Variants in PCDHA10 observed in about 807,000 individuals in gnomAD.
The protein encoded by PCDHA10 is protocadherin alpha-10.
PCDHA10 carries 45 observed loss-of-function variants against 61.2 expected under a neutral mutation model. The ratio of observed to expected loss-of-function variants is 0.74; its 90% CI spans 0.58 to 0.94. The LOEUF (loss-of-function observed/expected upper bound fraction) is 0.94, where lower values mean the gene tolerates loss of function less well. PCDHA10 is among the 40% of genes least tolerant of loss of function. PCDHA10 has a pLI of 0.00. For synonymous variants in PCDHA10, 602 were observed against 548.8 expected (o/e 1.10, Z -1.35); for missense variants, 1,278 against 1,236.2 (o/e 1.03, Z -0.51).
intron 1 of PCDHA10, chr5:140,967,438 C>T: frequency 6.2e-7 from 1 of 1,613,548 alleles, no homozygotes; most frequent in South Asian, 1.1e-5. Flanking sequence ...CCTTGCACCA[C>T]CTGGTTCTCA....
At position 141,011,086 on chromosome 5, in the gene PCDHA10, C is replaced by T. The variant is rs1181884726; in HGVS notation, c.*1149C>T. The T allele has an allele frequency of 2.6e-5, 4 of 153,678 alleles. No homozygotes were observed. Among genetic ancestry groups the T allele is most frequent in the African/African-American group, 9.7e-5 (4 of 41,430 alleles). The allele number at this position is 153,678 out of a possible 1,614,324, so 9.5% of individuals were successfully genotyped here. On this transcript the variant is annotated 3_prime_UTR_variant, in exon 4 of 4. Coordinates refer to ENST00000307360, the MANE Select transcript of PCDHA10 (RefSeq NM_018901.4). ...TGTATTACTAAATAAAATGATCTCT[C>T]TTTCTCTCTCTCTCTCTCTTTTCTA...
chr5:140,947,987 C>G (rs1554218389), intron 1 of PCDHA10, among the ~76,000 whole-genome samples: 1 of 144,778 alleles, frequency 6.9e-6, no homozygotes, highest in African/African-American at 2.6e-5. Context: ...AGGTTTTTCC[C>G]AAATACTTTA....
chr5:140,899,788 C>T (rs1260643506), intron 1 of PCDHA10, among the ~76,000 whole-genome samples: 3 of 152,054 alleles, frequency 2.0e-5, no homozygotes, highest in Admixed American at 6.6e-5. Context: ...TGGTATAATT[C>T]GGCTGTGAAT....
chr5:140,989,235 T>G (rs1408596966), intron 3 of PCDHA10, among the ~76,000 whole-genome samples: 1 of 152,204 alleles, frequency 6.6e-6, no homozygotes, highest in Non-Finnish European at 1.5e-5. Context: ...AGCTGAAGTT[T>G]TAAGCCCCTT....
intron 1 of PCDHA10, chr5:140,865,634 A>G (rs2048944722): frequency 6.6e-6 from 1 of 152,218 alleles, no homozygotes; most frequent in Non-Finnish European, 1.5e-5. Context: ...TCATGAAGGG[A>G]CTTAAATACA....
At position 140,857,003 on chromosome 5, in the gene PCDHA10, G is replaced by C; in HGVS notation, c.955G>C (p.Val319Leu). The change falls in exon 1 of 4, where the codon GTA (valine) becomes CTA (leucine). Residue 319 changes from valine to leucine, a missense_variant. Coordinates refer to ENST00000307360, the MANE Select transcript of PCDHA10 (RefSeq NM_018901.4). ...FEDSNTYEIH[V>L]DVTDKGNPPM... The stretch of plus-strand genomic sequence containing the variant: ...GGACAGTAACACTTATGAAATTCAT[G>C]TAGATGTTACAGATAAGGGAAACCC... The C allele has an allele frequency of 6.3e-7, 1 of 1,595,436 alleles. No homozygotes were observed. The highest frequency in any genetic ancestry group is 8.6e-7 in the Non-Finnish European group (1 of 1,165,190).
chr5:140,950,278 G>A (rs2094467824), intron 1 of PCDHA10, among the ~76,000 whole-genome samples: 1 of 151,868 alleles, frequency 6.6e-6, no homozygotes, highest in African/African-American at 2.4e-5. Context: ...ATGTCTTTTT[G>A]CTTCAACCTG....
intron 1 of PCDHA10, among the ~76,000 whole-genome samples, chr5:140,926,112 A>G (rs556372882): frequency 3.3e-4 from 51 of 152,258 alleles, no homozygotes; most frequent in African/African-American, 1.2e-3. Context: ...AAGAGGGTGC[A>G]GGACAGACTT....
At chr5:140,921,920 TTA>T (rs1253318185) in intron 1 of PCDHA10, among the ~76,000 whole-genome samples, 1 of 151,888 alleles carries the variant, frequency 6.6e-6, no homozygotes, top group African/African-American at 2.4e-5. Flanking sequence ...ATGATAAAAC[TTA>T]TAGTCAATAT....
intron 1 of PCDHA10, chr5:140,968,302 G>C (rs2096236958): frequency 6.2e-7 from 1 of 1,613,812 alleles, no homozygotes; most frequent in African/African-American, 1.3e-5. Context: ...TGGAGAGGGA[G>C]ATTCAAGGGC....
chr5:140,931,907 G>A (rs573618162), intron 1 of PCDHA10, among the ~76,000 whole-genome samples: 107 of 151,900 alleles, frequency 7.0e-4, no homozygotes, highest in Middle Eastern at 3.5e-3. Context: ...CATTTGAAAA[G>A]CATGACATTT....
In PCDHA10 at chr5:140,870,216, C is replaced by G. The variant is rs1554163914; in HGVS notation, c.2388+11780C>G. On this transcript the variant is annotated intron_variant, in intron 1 of 3. Transcript: ENST00000307360. Reference sequence around the variant, plus strand: ...AGCCCAGCACGGTCATTGCCCTGATCAGCGTGTCTGACCGTGACTCAGGTG... The same window carrying G: ...AGCCCAGCACGGTCATTGCCCTGATGAGCGTGTCTGACCGTGACTCAGGTG... 3 of 1,614,070 alleles carry G rather than the reference C, an allele frequency of 1.9e-6. No homozygotes were observed. Among genetic ancestry groups the G allele is most frequent in the Admixed American group, 3.3e-5 (2 of 60,012 alleles).
chr5:140,983,239 C>CCTGCTAAGTTGTGTAAAAAA (rs1261909895), intron 3 of PCDHA10, among the ~76,000 whole-genome samples: 1 of 152,176 alleles, frequency 6.6e-6, no homozygotes, highest in Non-Finnish European at 1.5e-5. Flanking sequence ...GGAAAGAGAA[C>CCTGCTAAGTTGTGTAAAAAA]CTGCTAAGTT....
In PCDHA10 at chr5:140,875,510, G is replaced by T. The variant is rs186070067; in HGVS notation, c.2388+17074G>T. The stretch of plus-strand genomic sequence containing the variant: ...GGACCAAGAGGCCCGGGATCCCAGC[G>T]TCTGCTGCTCTCGCTTCTGCTCCTT... On this transcript the variant is annotated intron_variant, in intron 1 of 3. Transcript: ENST00000307360. 1.2e-5 allele frequency: 19 copies of T among 1,613,812 alleles called. No homozygotes were observed. Among genetic ancestry groups the T allele is most frequent in the Non-Finnish European group, 1.6e-5 (19 of 1,179,784 alleles).
intron 1 of PCDHA10, chr5:140,860,787 G>A (rs1038488180): frequency 5.9e-5 from 9 of 152,154 alleles, no homozygotes; most frequent in African/African-American, 2.2e-4. Flanking sequence ...GCCCAGGCTG[G>A]AGTGCAGTGG....
intron 1 of PCDHA10, chr5:140,868,870 C>T: frequency 1.6e-6 from 1 of 619,808 alleles, no homozygotes; most frequent in Admixed American, 3.3e-5. Flanking sequence ...ATGCAGTGCA[C>T]AGTACTCACA....
rs568722959 is a variant in PCDHA10 at position 140,970,085 on chromosome 5, T to C, written c.2389-8864T>C. Among the ~76,000 whole-genome samples the C allele has an allele frequency of 2.6e-5, 4 of 151,946 alleles. No homozygotes were observed. The East Asian group carries it at 7.7e-4, about 29-fold the overall frequency. ...TATTAGAATGAGTGGATTAGGGGTG[T>C]GGGGGGATGGTGAAGACCAAGAGAA... is the stretch of plus-strand genomic sequence containing the variant. On this transcript the variant is annotated intron_variant, in intron 1 of 3. Coordinates refer to ENST00000307360, the MANE Select transcript of PCDHA10 (RefSeq NM_018901.4).
At position 141,010,421 on chromosome 5, in the gene PCDHA10, A is replaced by T. The variant is rs1486731012; in HGVS notation, c.*484A>T. The T allele has an allele frequency of 8.7e-7, 1 of 1,148,142 alleles. No homozygotes were observed. Among genetic ancestry groups the T allele is most frequent in the Admixed American group, 2.9e-5 (1 of 34,726 alleles). The allele number at this position is 1,148,142 out of a possible 1,614,324, so 71.1% of individuals were successfully genotyped here. A position where few individuals can be genotyped will look rare whatever the true frequency, so the allele number is the denominator to read the frequency against. ...CAGCTTAGACTAATTGGTACAAGGAAGGCAAGAAAACAAAGACAAATAAAC... is the reference window on the plus strand; with the variant it reads ...CAGCTTAGACTAATTGGTACAAGGATGGCAAGAAAACAAAGACAAATAAAC... On this transcript the variant is annotated 3_prime_UTR_variant, in exon 4 of 4. Coordinates refer to ENST00000307360, the MANE Select transcript of PCDHA10 (RefSeq NM_018901.4).
chr5:140,882,818 A>G, intron 1 of PCDHA10: 1 of 1,614,226 alleles, frequency 6.2e-7, no homozygotes, highest in Non-Finnish European at 8.5e-7. Flanking sequence ...GGACGCACAA[A>G]ACAGTCTTGA....
Sources: allele counts gnomAD v4.1 joint callset (sites outside exome capture counted in the v4.1 genomes callset), GRCh38; gene constraint gnomAD v4.1.1; transcripts MANE v1.5; gene names NCBI Gene and HGNC (gene_info 2026-07-23, HGNC 2026-07-21).